The following TBCD variants were observed in gnomAD, a reference collection of about 807,000 sequenced individuals.
TBCD encodes tubulin folding cofactor D, also known as tubulin-specific chaperone D.
In TBCD, 105 loss-of-function variants were observed where a neutral mutation model predicts 169.3. The ratio of observed to expected loss-of-function variants is 0.62; its 90% CI spans 0.53 to 0.73. The LOEUF (loss-of-function observed/expected upper bound fraction) is 0.73, where lower values mean the gene tolerates loss of function less well. Ranked by LOEUF, TBCD falls within the 30% of genes least tolerant of loss-of-function variation. The pLI is 0.00. For missense variants in TBCD, 1,444 were observed against 1,600.1 expected (o/e 0.90, Z 1.66); for synonymous variants, 700 against 643.9 (o/e 1.09, Z -1.32).
At chr17:82,901,958 A>T (rs1470929255) in intron 18 of TBCD, among the ~76,000 whole-genome samples, 1 of 152,198 alleles carries the variant, frequency 6.6e-6, no homozygotes, top group East Asian at 1.9e-4. Context: ...AAAGTTACAG[A>T]TATATGCCCG....
chr17:82,891,450 T>G (rs562399241), intron 16 of TBCD, among the ~76,000 whole-genome samples: 2 of 152,334 alleles, frequency 1.3e-5, no homozygotes, highest in African/African-American at 2.4e-5. Flanking sequence ...GGCACAGATT[T>G]TGAAGAGACA....
chr17:82,940,219 GCGCACACACACA>G (rs1484068626), intron 37 of TBCD, among the ~76,000 whole-genome samples: 1 of 94,524 alleles, frequency 1.1e-5, no homozygotes, highest in East Asian at 3.3e-4. Flanking sequence ...ACTTGCACGC[GCGCACACACACA>G]CACACACACA....
chr17:82,871,832 G>A (rs2057586293), intron 14 of TBCD, among the ~76,000 whole-genome samples: 2 of 152,230 alleles, frequency 1.3e-5, no homozygotes, highest in African/African-American at 2.4e-5. Flanking sequence ...TCTTTTGGAC[G>A]TCCTGGGTGC....
chr17:82,839,298 T>TA (rs1448838979), intron 13 of TBCD, among the ~76,000 whole-genome samples: 5 of 152,134 alleles, frequency 3.3e-5, no homozygotes, highest in African/African-American at 1.2e-4. Context: ...CTGATGTACT[T>TA]ATACCACACA....
intron 2 of TBCD, 61 bp downstream of exon 2, chr17:82,756,276 G>A (rs967908313): frequency 5.4e-6 from 8 of 1,475,108 alleles, no homozygotes; most frequent in African/African-American, 4.2e-5. Flanking sequence ...AGGCCTTGGT[G>A]TGTGGTGCTG....
intron 23 of TBCD, among the ~76,000 whole-genome samples, chr17:82,918,046 A>T (rs1273375041): frequency 6.6e-6 from 1 of 152,190 alleles, no homozygotes; most frequent in East Asian, 1.9e-4. Context: ...TTTCGAAATA[A>T]TTATAGACTT....
At chr17:82,876,869 T>G (rs2058013056) in intron 14 of TBCD, 1 of 633,020 alleles carries the variant, frequency 1.6e-6, no homozygotes, top group South Asian at 7.1e-5. Context: ...TGCTGAGTAC[T>G]GCCGGGAGAG....
At chr17:82,808,802 C>T (rs2144822451) in intron 11 of TBCD, among the ~76,000 whole-genome samples, 1 of 143,608 alleles carries the variant, frequency 7.0e-6, no homozygotes, top group East Asian at 2.1e-4. Flanking sequence ...CTGGCAGGTG[C>T]TGAGGTGTCA....
At chr17:82,810,263 C>T (rs1428752921) in intron 12 of TBCD, among the ~76,000 whole-genome samples, 1 of 152,188 alleles carries the variant, frequency 6.6e-6, no homozygotes, top group Non-Finnish European at 1.5e-5. Context: ...TCAAGACCAG[C>T]CTGGGCAACG....
In TBCD at chr17:82,923,649, T is replaced by C. The variant is rs1479970187; in HGVS notation, c.2179-3T>C. ...TGCGCTCACCGTGCTGCCTTTGTTT[T>C]AGGATGCAGCAGTCTCGGCCCTGGC... On this transcript the variant is annotated splice_polypyrimidine_tract_variant and splice_region_variant and intron_variant, in intron 25 of 38. Coordinates refer to ENST00000355528, the MANE Select transcript of TBCD (RefSeq NM_005993.5). This position sits in a 1 kb window ranked among gnomAD's most constrained non-coding sequence, Gnocchi z 4.6. The C allele has an allele frequency of 1.3e-6, 2 of 1,569,964 alleles. No individual in the cohort carries two copies. Among genetic ancestry groups the C allele is most frequent in the South Asian group, 2.3e-5 (2 of 85,396 alleles).
In TBCD at chr17:82,756,199, G is replaced by A; in HGVS notation, c.219G>A (p.Leu73=). The A allele has an allele frequency of 6.2e-7, 1 of 1,610,852 alleles. No homozygotes were observed. ...ACAAATACCAGGAGCAGCCTCATCT[G>A]TTGGACCCGCACCTTGGTAAGAATA... The part of the protein sequence containing the change: ...IMDKYQEQPH[L]LDPHLEWMMN... Residue 73 remains leucine, a synonymous_variant, in exon 2 of 39, where the codon CTG becomes CTA. Coordinates refer to ENST00000355528, the MANE Select transcript of TBCD (RefSeq NM_005993.5).
In TBCD at chr17:82,909,393, T is replaced by A. The variant is rs2060459315; in HGVS notation, c.2006+86T>A. On this transcript the variant is annotated intron_variant, in intron 22 of 38. Coordinates refer to ENST00000355528, the MANE Select transcript of TBCD (RefSeq NM_005993.5). ...GAGCAGGCGGGGCGGGTGTGTTCGC[T>A]TCCCTCTCTGCCTATGTGTGTTTGG... 9.6e-6 allele frequency: 11 copies of A among 1,146,968 alleles called. No individual in the cohort carries two copies. The East Asian group carries it at 2.9e-4, about 30-fold the overall frequency. 71.0% of individuals were successfully genotyped at this position (1,146,968 alleles called of 1,614,324 possible).
At chr17:82,850,071 GGCTGT>G (rs769728751) in intron 13 of TBCD, among the ~76,000 whole-genome samples, 5,914 of 33,736 alleles carry the variant, frequency 0.18, 2,416 homozygotes, top group East Asian at 0.3. Context: ...TGCTGCTGTT[GGCTGT>G]GCTGTGCTGC....
chr17:82,788,301 A>G (rs1182613461), intron 7 of TBCD, among the ~76,000 whole-genome samples: 1 of 152,130 alleles, frequency 6.6e-6, no homozygotes, highest in Admixed American at 6.6e-5. Flanking sequence ...GCTGATTGAT[A>G]GTTGTGCTCT....
At chr17:82,786,387 C>G (rs367661189) in intron 7 of TBCD, among the ~76,000 whole-genome samples, 1 of 152,060 alleles carries the variant, frequency 6.6e-6, no homozygotes, top group Non-Finnish European at 1.5e-5. Flanking sequence ...GGTGCCTCTG[C>G]AGGGGAGGCC....
Position 82,797,786 on chromosome 17 carries a change from A to T in TBCD, c.801A>T (p.Glu267Asp). 1 of 1,581,074 alleles carries T rather than the reference A, an allele frequency of 6.3e-7. No homozygotes were observed. Among genetic ancestry groups the T allele is most frequent in the Non-Finnish European group, 8.5e-7 (1 of 1,170,906 alleles). ...AAATATTTAAACATGGAAAACGTGA[A>T]GACTGTTTGCCCTATGGTAAGGTTT... ...LAQIFKHGKREDCLPYAATVL... is the reference protein window; with the variant it reads ...LAQIFKHGKRDDCLPYAATVL... Residue 267 changes from glutamate to aspartate, a missense_variant, in exon 8 of 39, where the codon GAA (glutamate) becomes GAT (aspartate). Physicochemically the swap from Glu to Asp is conservative, Grantham distance 45. Transcript: ENST00000355528.
chr17:82,865,614 CTGCACCAGCTACATCT>C, intron 13 of TBCD: 1 of 869,982 alleles, frequency 1.1e-6, no homozygotes, highest in Non-Finnish European at 1.4e-6. Flanking sequence ...GCGATGCGGT[CTGCACCAGCTACATCT>C]GCAGAAGTCC....
In TBCD at chr17:82,835,616, G is replaced by A. The variant is rs1444277583; in HGVS notation, c.1318+20682G>A. ...TTTTTTGTAATTTTAGTAGAGATGG[G>A]GTTTCACTATGTTGGCCCGGCTGGT... On this transcript the variant is annotated intron_variant, in intron 13 of 38. Coordinates refer to ENST00000355528, the MANE Select transcript of TBCD (RefSeq NM_005993.5). This position sits in a 1 kb window ranked among gnomAD's most constrained non-coding sequence, Gnocchi z 4.5. Among the ~76,000 whole-genome samples, 2 of 151,942 alleles carry A rather than the reference G, an allele frequency of 1.3e-5. No individual in the cohort carries two copies. The highest frequency in any genetic ancestry group is 3.9e-4 in the East Asian group (2 of 5,176).
intron 7 of TBCD, among the ~76,000 whole-genome samples, chr17:82,788,327 T>A (rs1050859928): frequency 6.6e-6 from 1 of 152,142 alleles, no homozygotes; most frequent in Non-Finnish European, 1.5e-5. Context: ...TTTCTAGTGC[T>A]CTGATTGGAA....
Sources: allele counts gnomAD v4.1 joint callset (sites outside exome capture counted in the v4.1 genomes callset), GRCh38; gene constraint gnomAD v4.1.1; non-coding constraint Gnocchi (gnomAD v3.1); transcripts MANE v1.5; gene names NCBI Gene and HGNC (gene_info 2026-07-23, HGNC 2026-07-21).